Variants in ELOVL3 observed in about 807,000 individuals in gnomAD.
ELOVL3 encodes the protein very long chain fatty acid elongase 3.
Under a neutral mutation model 14.9 loss-of-function variants are expected in ELOVL3, and 11 were observed. The observed-to-expected ratio is 0.74, with a 90% CI of 0.46 to 1.22. The LOEUF (loss-of-function observed/expected upper bound fraction) is 1.22. ELOVL3 is among the 50% of genes most tolerant of loss of function. The pLI, the probability that ELOVL3 is intolerant of heterozygous loss-of-function variation, is 0.00. For missense variants in ELOVL3, 277 were observed against 338.9 expected, an observed-to-expected ratio of 0.82 and a Z score of 1.43; for synonymous variants, 117 against 124.7, an observed-to-expected ratio of 0.94 and a Z score of 0.41.
At chr10:102,228,742 A>C in intron 3 of ELOVL3, 83 bp from the exon 4 acceptor site, 2 of 1,473,342 alleles carry the variant, frequency 1.4e-6, no homozygotes, top group Non-Finnish European at 1.9e-6. Flanking sequence ...CTCCCCTGAG[A>C]ATTTCTCCCG....
rs755266270 is a variant in ELOVL3, at chr10:102,228,919, C to T, written c.480C>T (p.Tyr160=). The T allele has an allele frequency of 1.2e-6, 2 of 1,614,072 alleles. No individual in the cohort carries two copies. Among genetic ancestry groups the T allele is most frequent in the African/African-American group, 2.7e-5 (2 of 74,912 alleles). Residue 160 remains tyrosine (Y), a synonymous_variant, in exon 4 of 4, where the codon TAC becomes TAT. Transcript: ENST00000370005. ...TGCTCGTGTACACAAGCTTTGGATA[C>T]AAGAACAAAGTGCCTGCAGGAGGCT... The part of the protein sequence containing the change: ...STVLVYTSFG[Y]KNKVPAGGWF...
At chr10:102,225,921 T>C (rs2070131842), upstream of ELOVL3, among the ~76,000 whole-genome samples, 1 of 151,950 alleles carries the variant, frequency 6.6e-6, no homozygotes, top group Non-Finnish European at 1.5e-5. Flanking sequence ...AGGTTAGTAT[T>C]TGCTCATCAC....
At chr10:102,228,737 C>A in intron 3 of ELOVL3, 88 bp from the exon 4 acceptor site, 1 of 1,464,550 alleles carries the variant, frequency 6.8e-7, no homozygotes. Context: ...CTTCCCTCCC[C>A]TGAGAATTTC....
intron 3 of ELOVL3, 102 bp downstream of exon 3, chr10:102,228,670 G>A: frequency 6.7e-7 from 1 of 1,484,560 alleles, no homozygotes; most frequent in South Asian, 1.2e-5. Flanking sequence ...CTACCCTTGG[G>A]TCCCAATAAT....
chr10:102,228,639 A>G, intron 3 of ELOVL3, 71 bp downstream of exon 3: 3 of 1,564,126 alleles, frequency 1.9e-6, no homozygotes, highest in Non-Finnish European at 2.6e-6. Flanking sequence ...CCCTTCACCC[A>G]TCCCATGGAG....
intron 1 of ELOVL3, among the ~76,000 whole-genome samples, chr10:102,227,327 C>G (rs1246599333): frequency 2.0e-5 from 3 of 152,166 alleles, no homozygotes; most frequent in Non-Finnish European, 4.4e-5. Context: ...GCGGGCCAGA[C>G]AGCCGTCACC....
At chr10:102,227,536 C>A in intron 1 of ELOVL3, 90 bp from the exon 2 acceptor site, 1 of 1,449,004 alleles carries the variant, frequency 6.9e-7, no homozygotes, top group South Asian at 1.3e-5. Flanking sequence ...ACTGGGACTC[C>A]AACCCAGAGC....
chr10:102,228,977 A>G lies in ELOVL3; in HGVS notation c.538A>G (p.Ile180Val). The G allele has an allele frequency of 6.2e-7, 1 of 1,614,132 alleles. No individual in the cohort carries two copies. Among genetic ancestry groups the G allele is most frequent in the Non-Finnish European group, 8.5e-7 (1 of 1,180,032 alleles). ...FVTMNFGVHA[I>V]MYTYYTLKAA... Reference sequence around the variant, plus strand: ...CACCATGAACTTTGGTGTTCATGCCATCATGTACACCTACTACACTCTGAA... The same window carrying G: ...CACCATGAACTTTGGTGTTCATGCCGTCATGTACACCTACTACACTCTGAA... The change falls in exon 4 of 4, where the codon ATC becomes GTC. Residue 180 changes from isoleucine to valine, a missense_variant. Transcript: ENST00000370005.
In ELOVL3 at chr10:102,229,305, G is replaced by A; in HGVS notation, c.*53G>A. 3 of 1,518,038 alleles carry A rather than the reference G, an allele frequency of 2.0e-6. No individual in the cohort carries two copies. Among genetic ancestry groups the A allele is most frequent in the Non-Finnish European group, 2.7e-6 (3 of 1,124,490 alleles). The allele number at this position is 1,518,038 out of a possible 1,614,324, so 94.0% of individuals were successfully genotyped here. On this transcript the variant is annotated 3_prime_UTR_variant, in exon 4 of 4. Coordinates refer to ENST00000370005, the MANE Select transcript of ELOVL3 (RefSeq NM_152310.3). ...GGCTCTCTCTTCTCCAGGGCACCAA[G>A]AGGCTGGGCTTAGTTTTGGGAGAAT...
At chr10:102,225,880 T>C (rs1404896559), upstream of ELOVL3, among the ~76,000 whole-genome samples, 1 of 151,764 alleles carries the variant, frequency 6.6e-6, no homozygotes, top group African/African-American at 2.4e-5. Context: ...AGCTAGGAGG[T>C]GGAAGGGACT....
At chr10:102,226,295 G>C (rs1164646652), upstream of ELOVL3, 4 of 467,220 alleles carry the variant, frequency 8.6e-6, no homozygotes, top group South Asian at 9.3e-5. Flanking sequence ...GATAGCGGCG[G>C]GGCGCAGGAA....
At position 102,226,573 on chromosome 10, in the gene ELOVL3, C is replaced by T; in HGVS notation, c.25C>T (p.His9Tyr). ...GATGGTCACAGCCATGAATGTCTCA[C>T]ATGAAGTAAATCAGCTGTTCCAGCC... MVTAMNVS[H>Y]EVNQLFQPYN... Residue 9 changes from histidine to tyrosine, a missense_variant, in exon 1 of 4, where the codon CAT becomes TAT. Physicochemically the swap from His to Tyr is moderately conservative, Grantham distance 83. Transcript: ENST00000370005. The T allele has an allele frequency of 6.2e-7, 1 of 1,614,076 alleles. No individual in the cohort carries two copies.
At chr10:102,227,843 C>T (rs2070151427) in intron 2 of ELOVL3, 86 bp downstream of exon 2, 3 of 1,499,498 alleles carry the variant, frequency 2.0e-6, no homozygotes, top group African/African-American at 2.8e-5. Flanking sequence ...GCATCAACCT[C>T]CATCCTGTCC....
upstream of ELOVL3, among the ~76,000 whole-genome samples, chr10:102,225,174 G>A (rs1230867867): frequency 2.6e-5 from 4 of 152,224 alleles, no homozygotes; most frequent in African/African-American, 9.6e-5. Context: ...GAAAGAGGCA[G>A]TGCAACCAGG....
chr10:102,226,504 C>G lies in ELOVL3; in HGVS notation c.-45C>G, dbSNP rs760381712. 5 of 1,423,446 alleles carry G rather than the reference C, an allele frequency of 3.5e-6. No homozygotes were observed. The African/African-American group carries it at 7.0e-5, about 20-fold the overall frequency. 88.2% of individuals were successfully genotyped at this position (1,423,446 alleles called of 1,614,324 possible). ...CGCCATCCTCGGAGCCCCAGCCTTTCACCCAGCGCCTCCAAGCTTTGGACC... is the reference window on the plus strand; with the variant it reads ...CGCCATCCTCGGAGCCCCAGCCTTTGACCCAGCGCCTCCAAGCTTTGGACC... On this transcript the variant is annotated 5_prime_UTR_variant, in exon 1 of 4. Coordinates refer to ENST00000370005, the MANE Select transcript of ELOVL3 (RefSeq NM_152310.3).
intron 1 of ELOVL3, among the ~76,000 whole-genome samples, chr10:102,227,166 T>G (rs2070142780): frequency 6.6e-6 from 1 of 152,066 alleles, no homozygotes; most frequent in Admixed American, 6.6e-5. Context: ...GAGGCTGACT[T>G]TATGCTCCAA....
chr10:102,225,663 C>T (rs2133789357), upstream of ELOVL3, among the ~76,000 whole-genome samples: 1 of 152,246 alleles, frequency 6.6e-6, no homozygotes, highest in Non-Finnish European at 1.5e-5. Context: ...CTCCAGGAAA[C>T]CTGAAGACAA....
Position 102,229,588 on chromosome 10 carries a change from A to C in ELOVL3, c.*336A>C, listed in dbSNP as rs542152068. ...TTTTTTAAATTAAAGATTTCAACAA[A>C]ATTTTGAGAGTTGGGGGATTTGGGG... On this transcript the variant is annotated 3_prime_UTR_variant, in exon 4 of 4. Coordinates refer to ENST00000370005, the MANE Select transcript of ELOVL3 (RefSeq NM_152310.3). The C allele has an allele frequency of 1.4e-5, 3 of 210,004 alleles. No individual in the cohort carries two copies. Among genetic ancestry groups the C allele is most frequent in the East Asian group, 2.3e-4 (2 of 8,706 alleles). 13.0% of individuals were successfully genotyped at this position (210,004 alleles called of 1,614,324 possible).
intron 1 of ELOVL3, 130 bp from the exon 2 acceptor site, chr10:102,227,496 T>C: frequency 2.8e-6 from 3 of 1,079,212 alleles, no homozygotes; most frequent in East Asian, 2.4e-5. Flanking sequence ...AGTTGGTTTT[T>C]CCAATGTCAC....
Sources: allele counts gnomAD v4.1 joint callset (sites outside exome capture counted in the v4.1 genomes callset), GRCh38; gene constraint gnomAD v4.1.1; transcripts MANE v1.5; gene names NCBI Gene and HGNC (gene_info 2026-07-23, HGNC 2026-07-21).